Variants in TNRC6C observed in about 807,000 individuals in gnomAD.
TNRC6C encodes trinucleotide repeat-containing gene 6C protein.
In TNRC6C, 20 loss-of-function variants were observed where a neutral mutation model predicts 153.7. That is an observed-to-expected ratio of 0.13 (90% CI 0.09 to 0.19). The LOEUF is 0.19. Among genes scored for constraint, TNRC6C ranks in the 10% least tolerant of loss-of-function variants. TNRC6C has a pLI of 1.00. For missense variants in TNRC6C, 1,987 were observed against 2,172.0 expected, an observed-to-expected ratio of 0.91 and a Z score of 1.69; for synonymous variants, 811 against 841.4, an observed-to-expected ratio of 0.96 and a Z score of 0.63.
chr17:78,007,444 G>C (rs916375442), intron 1 of TNRC6C, among the ~76,000 whole-genome samples: 4 of 152,166 alleles, frequency 2.6e-5, no homozygotes, highest in African/African-American at 9.7e-5. Flanking sequence ...AGAAATATTG[G>C]TTCCAACTTT....
chr17:77,972,048 CAAAAAA>C (rs993341715), intron 1 of TNRC6C, among the ~76,000 whole-genome samples: 1 of 148,860 alleles, frequency 6.7e-6, no homozygotes, highest in Non-Finnish European at 1.5e-5. Flanking sequence ...GGCAAACAAA[CAAAAAA>C]AAAGTAGAGA....
At chr17:77,985,576 T>A (rs2071152332) in intron 1 of TNRC6C, among the ~76,000 whole-genome samples, 1 of 144,370 alleles carries the variant, frequency 6.9e-6, no homozygotes, top group Admixed American at 6.9e-5. Context: ...CACTCCAGCC[T>A]GGGCAACAGA....
intron 2 of TNRC6C, among the ~76,000 whole-genome samples, chr17:78,044,220 T>G (rs937309882): frequency 6.6e-6 from 1 of 152,228 alleles, no homozygotes; most frequent in Non-Finnish European, 1.5e-5. Context: ...AACCCAGTAT[T>G]TTTGCAAGTA....
At chr17:78,039,189 A>C (rs563702026) in intron 2 of TNRC6C, among the ~76,000 whole-genome samples, 1 of 151,788 alleles carries the variant, frequency 6.6e-6, no homozygotes, top group African/African-American at 2.4e-5. Context: ...AGATAGCATT[A>C]GTCTTCCAGT....
chr17:77,957,716 A>T (rs552436649), upstream of TNRC6C, among the ~76,000 whole-genome samples: 2 of 152,346 alleles, frequency 1.3e-5, no homozygotes, highest in Admixed American at 6.5e-5. Context: ...TTGGTTTCAA[A>T]ATCTTCTCCT....
Position 77,974,301 on chromosome 17 carries a change from A to C in TNRC6C, c.-38+15033A>C, listed in dbSNP as rs115657877. 4.9e-3 allele frequency among the ~76,000 whole-genome samples: 743 copies of C among 152,226 alleles called. 4 individuals are homozygous for C. The highest frequency in any genetic ancestry group is 0.017 in the African/African-American group (722 of 41,534). On this transcript the variant is annotated intron_variant, in intron 1 of 22. Transcript: ENST00000636222. Reference sequence around the variant, plus strand: ...TACAAATAGCTGATAAACAGATGAGATTTCTTGCTATGTGTCCATTCAAAT... The same window carrying C: ...TACAAATAGCTGATAAACAGATGAGCTTTCTTGCTATGTGTCCATTCAAAT...
intron 2 of TNRC6C, among the ~76,000 whole-genome samples, chr17:78,039,935 AC>A (rs1289985801): frequency 6.6e-6 from 1 of 152,218 alleles, no homozygotes; most frequent in Non-Finnish European, 1.5e-5. Flanking sequence ...TTCTGGAAGA[AC>A]TTTTATTCCT....
chr17:78,064,829 G>T, exon 4 of TNRC6C: 1 of 1,613,748 alleles, frequency 6.2e-7, no homozygotes, highest in East Asian at 2.2e-5. Flanking sequence ...AGCAGCATGG[G>T]GGAAGCCACC....
chr17:78,084,323 G>GAA (rs1238748774), intron 11 of TNRC6C, among the ~76,000 whole-genome samples: 5 of 97,868 alleles, frequency 5.1e-5, no homozygotes, highest in East Asian at 2.9e-4. Flanking sequence ...TCATGAAGGA[G>GAA]AAAAAAAAAA....
intron 1 of TNRC6C, among the ~76,000 whole-genome samples, chr17:77,995,452 A>G (rs1284142844): frequency 6.6e-6 from 1 of 152,230 alleles, no homozygotes; most frequent in Non-Finnish European, 1.5e-5. Context: ...AAGGTCACAG[A>G]TCCATTTTCA....
chr17:77,974,686 T>C (rs2070973044), intron 1 of TNRC6C, among the ~76,000 whole-genome samples: 1 of 152,244 alleles, frequency 6.6e-6, no homozygotes, highest in African/African-American at 2.4e-5. Flanking sequence ...TTCAATGTTA[T>C]GTGTAGTCAG....
chr17:78,009,720 A>G (rs558023169), intron 1 of TNRC6C, among the ~76,000 whole-genome samples: 65 of 151,996 alleles, frequency 4.3e-4, no homozygotes, highest in African/African-American at 1.5e-3. Context: ...ATGCCCAGCT[A>G]ATTTTTGTAT....
At chr17:78,101,428 T>G (rs2073592521) in intron 17 of TNRC6C, among the ~76,000 whole-genome samples, 1 of 152,232 alleles carries the variant, frequency 6.6e-6, no homozygotes, top group Non-Finnish European at 1.5e-5. Context: ...CGTCTATTTC[T>G]GAGCCTTGAG....
chr17:78,102,367 A>T, intron 17 of TNRC6C, 107 bp from the exon 21 acceptor site: 1 of 1,015,720 alleles, frequency 9.8e-7, no homozygotes, highest in Non-Finnish European at 1.4e-6. Flanking sequence ...TAAAGCACGC[A>T]GTGACGGCCT....
chr17:78,009,089 G>T (rs1598678902), intron 1 of TNRC6C, among the ~76,000 whole-genome samples: 1 of 152,140 alleles, frequency 6.6e-6, no homozygotes, highest in Non-Finnish European at 1.5e-5. Context: ...TGTTACCTTA[G>T]TGAGACCCTA....
intron 1 of TNRC6C, among the ~76,000 whole-genome samples, chr17:78,028,681 G>A (rs1415194812): frequency 2.6e-5 from 4 of 152,154 alleles, no homozygotes; most frequent in Non-Finnish European, 5.9e-5. Flanking sequence ...AAACAGTACC[G>A]TATCATGAAC....
upstream of TNRC6C, among the ~76,000 whole-genome samples, chr17:77,958,530 G>A (rs888879425): frequency 6.6e-6 from 1 of 152,044 alleles, no homozygotes; most frequent in Non-Finnish European, 1.5e-5. Flanking sequence ...GGGGCGCGCG[G>A]GGGAGGAGCT....
rs1434308701 is a variant in TNRC6C at position 78,097,978 on chromosome 17, G to A, written c.4307-365G>A. On this transcript the variant is annotated intron_variant, in intron 16 of 19. Coordinates refer to ENST00000301624, the Ensembl canonical transcript of TNRC6C. The stretch of plus-strand genomic sequence containing the variant: ...TACTCACTCCCTGAGCTGGGAGGCC[G>A]TGTGGCGTGATGAAGGATGGGTGGG... The A allele has an allele frequency of 6.8e-5, 62 of 907,584 alleles. 1 individual carries two copies. Among genetic ancestry groups the A allele is most frequent in the South Asian group, 4.4e-4 (25 of 56,212 alleles). 56.2% of individuals were successfully genotyped at this position (907,584 alleles called of 1,614,324 possible).
At chr17:77,963,662 C>T (rs757922123) in intron 1 of TNRC6C, among the ~76,000 whole-genome samples, 2 of 152,166 alleles carry the variant, frequency 1.3e-5, no homozygotes, top group Non-Finnish European at 2.9e-5. Context: ...TGCTGTAGCA[C>T]AGATAGTTGT....
Sources: gnomAD v4.1 joint callset for allele counts (sites outside exome capture counted in the v4.1 genomes callset) on GRCh38, gnomAD v4.1.1 for gene constraint, MANE v1.5 for transcripts, NCBI Gene and HGNC (gene_info 2026-07-23, HGNC 2026-07-21) for gene names.